Variants in COL24A1 observed in about 807,000 individuals in gnomAD.
COL24A1 encodes the protein collagen type XXIV alpha 1 chain, also known as collagen alpha-1(XXIV) chain.
In COL24A1, 224 loss-of-function variants were observed where a neutral mutation model predicts 253.9. The observed-to-expected ratio is 0.88, with a 90% CI of 0.79 to 0.99. The LOEUF (loss-of-function observed/expected upper bound fraction) is 0.99, where lower values mean the gene tolerates loss of function less well. COL24A1 is among the 50% of genes least tolerant of loss of function. The probability of loss-of-function intolerance (pLI) is 0.00; values close to 1 mark genes in which losing one functional copy is unlikely to be tolerated. For synonymous variants in COL24A1, 685 were observed against 673.7 expected (o/e 1.02, Z -0.26); for missense variants, 2,131 against 2,068.5 (o/e 1.03, Z -0.59).
rs533245035 is a variant in COL24A1 at position 85,987,687 on chromosome 1, T to C, written c.2311-33A>G. On this transcript the variant is annotated intron_variant, in intron 19 of 59. Transcript: ENST00000370571. ...ATATAAAAATGTAGCGTTTATTCCA[T>C]AGAAAATTACTTTAAATCCATTTAG... is the stretch of plus-strand genomic sequence containing the variant. 4.6e-4 allele frequency: 727 copies of C among 1,568,070 alleles called. 11 individuals are homozygous for C. The South Asian group carries it at 8.1e-3, about 17-fold the overall frequency.
intron 2 of COL24A1, among the ~76,000 whole-genome samples, chr1:86,126,922 C>A (rs1002035773): frequency 2.6e-5 from 4 of 152,116 alleles, no homozygotes; most frequent in Non-Finnish European, 5.9e-5. Flanking sequence ...TGGAGTCATA[C>A]TTCCAAAGAT....
chr1:85,948,029 A>G (rs1351285801), intron 24 of COL24A1, among the ~76,000 whole-genome samples: 1 of 152,070 alleles, frequency 6.6e-6, no homozygotes. Context: ...CACTTTCTGT[A>G]CTGTTAAGAT....
intron 55 of COL24A1, 89 bp downstream of exon 55, chr1:85,761,307 T>G: frequency 6.8e-7 from 1 of 1,460,806 alleles, no homozygotes; most frequent in South Asian, 1.2e-5. Context: ...AAGGGATACC[T>G]TTTAATAGAG....
At chr1:85,865,158 GAAA>G (rs35687646) in intron 37 of COL24A1, among the ~76,000 whole-genome samples, 4 of 146,788 alleles carry the variant, frequency 2.7e-5, no homozygotes, top group Admixed American at 6.8e-5. Context: ...TTCTTTTCTT[GAAA>G]AAAAAAAAAG....
At chr1:85,754,508 G>A (rs1312672166) in intron 55 of COL24A1, among the ~76,000 whole-genome samples, 1 of 95,968 alleles carries the variant, frequency 1.0e-5, no homozygotes, top group Admixed American at 1.2e-4. Context: ...TGCACAATGT[G>A]CACATGTACC....
chr1:86,059,158 G>A lies in COL24A1; in HGVS notation c.1769C>T (p.Ala590Val), dbSNP rs1399664967. The change falls in exon 9 of 60, where the codon GCT becomes GTT. Residue 590 changes from alanine to valine, a missense_variant. Ala to Val is a moderately conservative substitution (Grantham distance 64, BLOSUM62 0). Transcript: ENST00000370571. ...GTAACCGGGTGAACCAATATTACCA[G>A]CAAATCCTGGAATTCCCTGAAATAA... is the stretch of plus-strand genomic sequence containing the variant. ...LPGEQGIPGF[A>V]GNIGSPGYPG... The A allele has an allele frequency of 1.2e-6, 2 of 1,610,498 alleles. No individual in the cohort carries two copies. The highest frequency in any genetic ancestry group is 1.7e-5 in the Admixed American group (1 of 59,606).
chr1:85,831,349 A>G (rs1185377250), intron 43 of COL24A1, among the ~76,000 whole-genome samples: 1 of 152,108 alleles, frequency 6.6e-6, no homozygotes, highest in Non-Finnish European at 1.5e-5. Context: ...ATCATGCCCA[A>G]TTATGGCTTT....
intron 24 of COL24A1, among the ~76,000 whole-genome samples, chr1:85,927,173 G>T (rs1687368624): frequency 2.0e-5 from 3 of 152,168 alleles, no homozygotes; most frequent in African/African-American, 2.4e-5. Flanking sequence ...GAGGTACCGG[G>T]TTCATCTCAC....
At chr1:86,046,957 G>A in intron 11 of COL24A1, 88 bp from the exon 12 acceptor site, 1 of 813,816 alleles carries the variant, frequency 1.2e-6, no homozygotes, top group South Asian at 1.5e-5. Context: ...AAGCAATAAA[G>A]TATGAAAAAG....
intron 3 of COL24A1, among the ~76,000 whole-genome samples, chr1:86,123,380 A>T (rs1647689630): frequency 6.6e-6 from 1 of 152,006 alleles, no homozygotes; most frequent in Non-Finnish European, 1.5e-5. Flanking sequence ...CCATACACTT[A>T]CTTTGCATCT....
intron 3 of COL24A1, among the ~76,000 whole-genome samples, chr1:86,118,619 T>G (rs916370938): frequency 1.3e-5 from 2 of 152,088 alleles, no homozygotes; most frequent in African/African-American, 4.8e-5. Flanking sequence ...TAAAAAGACA[T>G]ACATTAACAG....
chr1:85,862,955 A>G (rs1326775002), intron 37 of COL24A1, among the ~76,000 whole-genome samples: 1 of 152,160 alleles, frequency 6.6e-6, no homozygotes, highest in Non-Finnish European at 1.5e-5. Context: ...TGAGCATGGA[A>G]TGTTCTTCCA....
intron 2 of COL24A1, among the ~76,000 whole-genome samples, chr1:86,134,431 T>G (rs956272311): frequency 6.6e-6 from 1 of 150,666 alleles, no homozygotes; most frequent in African/African-American, 2.4e-5. Context: ...GTGCTTTTCA[T>G]TGTGAAGTTA....
chr1:86,079,958 G>T (rs1430465655), intron 7 of COL24A1, among the ~76,000 whole-genome samples: 1 of 152,062 alleles, frequency 6.6e-6, no homozygotes, highest in Non-Finnish European at 1.5e-5. Flanking sequence ...TATCAAAGAG[G>T]TATCTGCACT....
intron 43 of COL24A1, among the ~76,000 whole-genome samples, chr1:85,825,322 A>T (rs1254609198): frequency 6.6e-6 from 1 of 152,018 alleles, no homozygotes; most frequent in African/African-American, 2.4e-5. Flanking sequence ...CCAGTCTATC[A>T]TTGTTGGACA....
chr1:85,824,532 C>T lies in COL24A1; in HGVS notation c.3682-794G>A, dbSNP rs919354226. Among the ~76,000 whole-genome samples the T allele has an allele frequency of 3.3e-5, 5 of 152,068 alleles. No individual in the cohort carries two copies. The East Asian group carries it at 5.8e-4, about 18-fold the overall frequency. On this transcript the variant is annotated intron_variant, in intron 43 of 59. Coordinates refer to ENST00000370571, the MANE Select transcript of COL24A1 (RefSeq NM_152890.7). ...CAAACTAACTTCACAACTATTTGGA[C>T]GGTAGATTTACTGGGCTGAAGACTG...
In COL24A1 at chr1:86,118,664, T is replaced by C. The variant is rs1706399635; in HGVS notation, c.1492-3286A>G. Among the ~76,000 whole-genome samples, 3 of 152,090 alleles carry C rather than the reference T, an allele frequency of 2.0e-5. No individual in the cohort carries two copies. The South Asian group carries it at 6.2e-4, about 32-fold the overall frequency. On this transcript the variant is annotated intron_variant, in intron 3 of 59. Coordinates refer to ENST00000370571, the MANE Select transcript of COL24A1 (RefSeq NM_152890.7). ...TAATTACAAATTTTACTTAGTGACA[T>C]GGAGGAAAAGAAAAGGCAACCAAGA...
At chr1:85,741,451 A>C (rs1267063905) in intron 57 of COL24A1, among the ~76,000 whole-genome samples, 1 of 152,148 alleles carries the variant, frequency 6.6e-6, no homozygotes, top group Non-Finnish European at 1.5e-5. Flanking sequence ...AAAGTTTGGG[A>C]TTTTCTGAGC....
In COL24A1 at chr1:86,112,627, G is replaced by A. The variant is rs770105178; in HGVS notation, c.1546-7C>T. On this transcript the variant is annotated splice_region_variant and splice_polypyrimidine_tract_variant and intron_variant, in intron 4 of 59. Coordinates refer to ENST00000370571, the MANE Select transcript of COL24A1 (RefSeq NM_152890.7). ...CATGTGGCCCTGGTATGCCCTGCAAGTAACGAAAAAAGTCATCATTCTTGG... is the reference window on the plus strand; with the variant it reads ...CATGTGGCCCTGGTATGCCCTGCAAATAACGAAAAAAGTCATCATTCTTGG... 4.3e-6 allele frequency: 7 copies of A among 1,611,500 alleles called. No individual in the cohort carries two copies. The Admixed American group carries it at 1.0e-4, about 23-fold the overall frequency.
Sources: allele counts gnomAD v4.1 joint callset (sites outside exome capture counted in the v4.1 genomes callset), GRCh38; gene constraint gnomAD v4.1.1; transcripts MANE v1.5; gene names NCBI Gene and HGNC (gene_info 2026-07-23, HGNC 2026-07-21).